GLRA2: variants seen among roughly 807,000 people sequenced by gnomAD.
GLRA2 encodes the protein glycine receptor alpha 2, also known as glycine receptor subunit alpha-2.
In GLRA2, 11 loss-of-function variants were observed where a neutral mutation model predicts 31.6. The ratio of observed to expected loss-of-function variants is 0.35; its 90% CI spans 0.22 to 0.58. The LOEUF (loss-of-function observed/expected upper bound fraction) is 0.58. Ranked by LOEUF, GLRA2 falls within the 20% of genes least tolerant of loss-of-function variation. The pLI, the probability that GLRA2 is intolerant of heterozygous loss-of-function variation, is 0.84. For missense variants in GLRA2, 212 were observed against 351.8 expected (o/e 0.60, Z 3.18); for synonymous variants, 132 against 134.0 (o/e 0.99, Z 0.10).
the GLRA2 span, among the ~76,000 whole-genome samples, chrX:14,491,509 A>C: frequency 8.9e-6 from 1 of 112,333 alleles, no homozygotes; most frequent in Non-Finnish European, 1.9e-5. Flanking sequence ...GCTTTGTCAT[A>C]AGTAAATGCA....
the GLRA2 span, among the ~76,000 whole-genome samples, chrX:14,495,269 A>T: frequency 2.7e-5 from 3 of 111,473 alleles, no homozygotes; most frequent in Non-Finnish European, 5.7e-5. Flanking sequence ...ACCACTTAAA[A>T]CATATTCAAT....
chrX:14,713,245 C>A (rs1452921727), intron 8 of GLRA2, among the ~76,000 whole-genome samples: 1 of 111,805 alleles, frequency 8.9e-6, no homozygotes, highest in African/African-American at 3.2e-5. Context: ...ATCACCTGAC[C>A]CCTCCAGTCT....
the GLRA2 span, among the ~76,000 whole-genome samples, chrX:14,485,218 G>A: frequency 8.9e-6 from 1 of 111,948 alleles, no homozygotes; most frequent in African/African-American, 3.2e-5. Context: ...GTTATCTCTA[G>A]GTTTACGAAG....
intron 7 of GLRA2, among the ~76,000 whole-genome samples, chrX:14,610,077 G>A (rs776215030): frequency 8.0e-5 from 9 of 112,158 alleles, no homozygotes; most frequent in African/African-American, 2.6e-4. Flanking sequence ...CTGAGCCATT[G>A]GCTTCAATTT....
the GLRA2 span, among the ~76,000 whole-genome samples, chrX:14,495,510 A>G: frequency 9.1e-6 from 1 of 109,588 alleles, no homozygotes; most frequent in Non-Finnish European, 1.9e-5. Context: ...AGAGAACTCT[A>G]TCAATTACGT....
intron 4 of GLRA2, among the ~76,000 whole-genome samples, chrX:14,601,636 ATCTT>A (rs1157373560): frequency 1.8e-5 from 2 of 111,993 alleles, no homozygotes; most frequent in Non-Finnish European, 3.8e-5. Flanking sequence ...ACTGTTTTAT[ATCTT>A]TCTTTTTCCA....
rs1423786390 is a variant in GLRA2 at position 14,604,297 on chromosome X, T to C, written c.495-18T>C. The C allele has an allele frequency of 3.8e-6, 4 of 1,064,274 alleles. No homozygotes were observed. Among genetic ancestry groups the C allele is most frequent in the Non-Finnish European group, 5.2e-6 (4 of 772,881 alleles). 87.7% of individuals were successfully genotyped at this position (1,064,274 alleles called of 1,213,427 possible). On this transcript the variant is annotated intron_variant, in intron 4 of 8. Transcript: ENST00000218075. ...ATAGATTTAAAAATGGTTTTTAATT[T>C]TTTTTTTGTTTGCTAAGACTCACCT... is the stretch of plus-strand genomic sequence containing the variant.
the GLRA2 span, among the ~76,000 whole-genome samples, chrX:14,475,067 TTA>T: frequency 8.9e-6 from 1 of 111,954 alleles, no homozygotes; most frequent in South Asian, 3.7e-4. Context: ...GGCTCACCCA[TTA>T]TGTGTGTATT....
the GLRA2 span, among the ~76,000 whole-genome samples, chrX:14,488,737 C>T: frequency 2.6e-4 from 29 of 112,317 alleles, no homozygotes; most frequent in African/African-American, 7.1e-4. Flanking sequence ...TCAGAAACAA[C>T]AAACACCCCA....
chrX:14,684,886 C>T (rs1256844769), intron 7 of GLRA2, among the ~76,000 whole-genome samples: 1 of 111,062 alleles, frequency 9.0e-6, no homozygotes, highest in African/African-American at 3.3e-5. Flanking sequence ...GCATCCCTGT[C>T]TTGTGCCAGT....
At chrX:14,591,476 A>C (rs114502997) in intron 4 of GLRA2, among the ~76,000 whole-genome samples, 24,941 of 111,210 alleles carry the variant, frequency 0.22, 2,656 homozygotes, top group Non-Finnish European at 0.34. Flanking sequence ...GAAGGCAGGA[A>C]ACATCTAGCA....
chrX:14,564,821 A>G (rs974463996), intron 2 of GLRA2, among the ~76,000 whole-genome samples: 17 of 111,790 alleles, frequency 1.5e-4, no homozygotes, highest in Admixed American at 5.7e-4. Flanking sequence ...TTAAGTTGGT[A>G]TCATTTCTGA....
Position 14,699,166 on chromosome X carries a change from T to C in GLRA2, c.1080+8307T>C, listed in dbSNP as rs140546667. Among the ~76,000 whole-genome samples, 635 of 112,255 alleles carry C rather than the reference T, an allele frequency of 5.7e-3. 4 individuals are homozygous for C. The highest frequency in any genetic ancestry group is 8.3e-3 in the Non-Finnish European group (440 of 53,255). ...GCAATAAAACTCTGTTTTAATGTTA[T>C]CGCCTCTGCTCCAATAAGAAATATG... On this transcript the variant is annotated intron_variant, in intron 8 of 8. Coordinates refer to ENST00000218075, the MANE Select transcript of GLRA2 (RefSeq NM_002063.4).
chrX:14,478,019 T>A, the GLRA2 span, among the ~76,000 whole-genome samples: 2 of 106,557 alleles, frequency 1.9e-5, no homozygotes, highest in African/African-American at 7.5e-5. Context: ...AAAGAGAAAA[T>A]ATATATATAT....
At chrX:14,468,287 G>C in the GLRA2 span, among the ~76,000 whole-genome samples, 5 of 112,175 alleles carry the variant, frequency 4.5e-5, no homozygotes, top group African/African-American at 1.6e-4. Flanking sequence ...ATTCTTTAGA[G>C]GACTGCTCTA....
rs2091986829 is a variant in GLRA2 at position 14,730,933 on chromosome X, CACACACACACACACACAA to C, written c.*451_*468del. 1.9e-5 allele frequency: 2 copies of C among 107,578 alleles called. No individual in the cohort carries two copies. The highest frequency in any genetic ancestry group is 1.9e-4 in the Admixed American group (2 of 10,783). The allele number at this position is 107,578 out of a possible 1,213,427, so 8.9% of individuals were successfully genotyped here. On this transcript the variant is annotated 3_prime_UTR_variant, in exon 9 of 9. Coordinates refer to ENST00000218075, the MANE Select transcript of GLRA2 (RefSeq NM_002063.4). ...ACACACACACACACACACACACACA[CACACACACACACACACAA>C]ACTTCAAAAATGCTTAACCATCTGA... is the stretch of plus-strand genomic sequence containing the variant.
chrX:14,631,789 C>T (rs958110377), intron 7 of GLRA2, among the ~76,000 whole-genome samples: 21 of 82,884 alleles, frequency 2.5e-4, no homozygotes, highest in Non-Finnish European at 4.7e-4. Context: ...CTCTGCAGAC[C>T]TCTGGAGTTC....
the GLRA2 span, among the ~76,000 whole-genome samples, chrX:14,455,559 G>T: frequency 9.0e-6 from 1 of 111,289 alleles, no homozygotes; most frequent in African/African-American, 3.3e-5. Flanking sequence ...ATTTCTTGTT[G>T]CCCCAAAATA....
chrX:14,685,220 G>C (rs1348844004), intron 7 of GLRA2, among the ~76,000 whole-genome samples: 3 of 111,482 alleles, frequency 2.7e-5, no homozygotes, highest in African/African-American at 9.8e-5. Flanking sequence ...CGGTTTGCCA[G>C]TATTTTATTG....
Sources: allele counts gnomAD v4.1 joint callset (sites outside exome capture counted in the v4.1 genomes callset), GRCh38; gene constraint gnomAD v4.1.1; transcripts MANE v1.5; gene names NCBI Gene and HGNC (gene_info 2026-07-23, HGNC 2026-07-21).